The following GFI1B variants were observed in gnomAD, a reference collection of about 807,000 sequenced individuals.
GFI1B encodes the protein growth factor independent 1B transcriptional repressor.
In GFI1B, 20 loss-of-function variants were observed where a neutral mutation model predicts 35.3. That is an observed-to-expected ratio of 0.57 (90% CI 0.40 to 0.82). The LOEUF (loss-of-function observed/expected upper bound fraction) is 0.82. Ranked by LOEUF, GFI1B falls within the 40% of genes least tolerant of loss-of-function variation. The probability of loss-of-function intolerance (pLI) is 0.00; values close to 1 mark genes in which losing one functional copy is unlikely to be tolerated. For synonymous variants in GFI1B, 178 were observed against 177.6 expected (o/e 1.00, Z -0.02); for missense variants, 430 against 446.3 (o/e 0.96, Z 0.33).
At chr9:132,987,212 G>A in intron 2 of GFI1B, 70 bp from the exon 3 acceptor site, 1 of 1,518,634 alleles carries the variant, frequency 6.6e-7, no homozygotes, top group South Asian at 1.2e-5. Flanking sequence ...GGAAGGGCGT[G>A]CCCTCCTTGC....
At chr9:132,969,418 A>G (rs759424697) in intron 1 of GFI1B, among the ~76,000 whole-genome samples, 1 of 152,176 alleles carries the variant, frequency 6.6e-6, no homozygotes, top group Non-Finnish European at 1.5e-5. Context: ...TTCACTTAGC[A>G]TAACGTCCTC....
rs958502085 is a variant in GFI1B, at chr9:132,971,276, G to A, written c.-700-1449G>A. 4.6e-5 allele frequency among the ~76,000 whole-genome samples: 7 copies of A among 152,172 alleles called. No homozygotes were observed. The East Asian group carries it at 1.3e-3, about 29-fold the overall frequency. ...CTTCAGGCAGGCCTGTGGCCTGAAC[G>A]CTGTCCTGTACTTCACCTGCACCCA... On this transcript the variant is annotated intron_variant, in intron 1 of 10. Transcript: ENST00000339463.
chr9:132,953,375 A>G (rs1051476251), intron 1 of GFI1B: 1 of 152,248 alleles, frequency 6.6e-6, no homozygotes, highest in African/African-American at 2.4e-5. Context: ...ACTTCTGACC[A>G]GGCGTGGTGG....
chr9:132,988,975 G>A, intron 4 of GFI1B, 86 bp from the exon 5 acceptor site: 1 of 1,321,514 alleles, frequency 7.6e-7, no homozygotes, highest in Non-Finnish European at 1.1e-6. Context: ...CTTGGCCAGA[G>A]CTGGGCATGG....
intron 3 of GFI1B, 146 bp downstream of exon 3, chr9:132,987,565 G>T (rs1849120581): frequency 2.2e-6 from 2 of 916,610 alleles, no homozygotes; most frequent in Non-Finnish European, 3.4e-6. Flanking sequence ...TGTGGCTTCT[G>T]CTTGGGCCTC....
At chr9:132,977,751 A>G (rs1397530808), upstream of GFI1B, among the ~76,000 whole-genome samples, 1 of 151,952 alleles carries the variant, frequency 6.6e-6, no homozygotes, top group East Asian at 1.9e-4. Flanking sequence ...GCCAAGCTTT[A>G]CCGCCCTCAC....
rs772641489 is a variant in GFI1B at position 132,989,029 on chromosome 9, C to T, written c.511-32C>T. ...AGGCCTGTCCCTGTCACCGCAGCCC[C>T]CAGTGGCCTCACATGCTGCCCCTGC... On this transcript the variant is annotated intron_variant, in intron 4 of 6. Coordinates refer to ENST00000372122, the MANE Select transcript of GFI1B (RefSeq NM_001377304.1). The surrounding 1 kb of genome is among the most constrained non-coding windows in gnomAD (Gnocchi z 6.2). 1 of 1,611,198 alleles carries T rather than the reference C, an allele frequency of 6.2e-7. No homozygotes were observed. The highest frequency in any genetic ancestry group is 8.5e-7 in the Non-Finnish European group (1 of 1,177,432).
At chr9:132,961,548 G>T (rs1476206786) in intron 1 of GFI1B, among the ~76,000 whole-genome samples, 3 of 151,422 alleles carry the variant, frequency 2.0e-5, no homozygotes, top group African/African-American at 7.3e-5. Flanking sequence ...ACTACCCTGG[G>T]ATGCCCTTCC....
chr9:132,967,434 G>A (rs376069762), intron 1 of GFI1B, among the ~76,000 whole-genome samples: 3 of 152,214 alleles, frequency 2.0e-5, no homozygotes, highest in African/African-American at 4.8e-5. Flanking sequence ...AAATCATTAC[G>A]AAAAGAAAGG....
At chr9:132,978,196 G>A (rs1848689810), upstream of GFI1B, among the ~76,000 whole-genome samples, 1 of 150,830 alleles carries the variant, frequency 6.6e-6, no homozygotes, top group East Asian at 2.0e-4. Context: ...GAGAAGGAGG[G>A]AGGGAGGGAA....
intron 1 of GFI1B, among the ~76,000 whole-genome samples, chr9:132,954,632 GGGT>G (rs1848256106): frequency 6.6e-6 from 1 of 151,460 alleles, no homozygotes. Context: ...ATGTTGTCCA[GGGT>G]GGTCTCAAAC....
intron 1 of GFI1B, among the ~76,000 whole-genome samples, chr9:132,985,949 C>T (rs1406523601): frequency 6.6e-6 from 1 of 152,238 alleles, no homozygotes; most frequent in Non-Finnish European, 1.5e-5. Context: ...ACCCCAGTCC[C>T]TGCCTTTCCT....
chr9:132,986,591 G>C, intron 1 of GFI1B, 68 bp from the exon 2 acceptor site: 1 of 790,874 alleles, frequency 1.3e-6, no homozygotes. Context: ...CTCAGGAGGA[G>C]GTTCTGAGAT....
At chr9:132,982,230 A>C (rs1343471997) in intron 1 of GFI1B, among the ~76,000 whole-genome samples, 2 of 152,230 alleles carry the variant, frequency 1.3e-5, no homozygotes, top group African/African-American at 4.8e-5. Context: ...TTAGAGCAAA[A>C]GGGAAGTTTA....
rs966318884 is a variant in GFI1B, at chr9:132,984,448, C to G, written c.-20-2211C>G. On this transcript the variant is annotated intron_variant, in intron 1 of 6. Transcript: ENST00000372122. ...CGAGAATCTGACCGCGGGAAGGGAC[C>G]CCAGAGGCCTTCAAGGTCCTTTCTC... Among the ~76,000 whole-genome samples the G allele has an allele frequency of 2.6e-5, 4 of 152,272 alleles. No homozygotes were observed. In the South Asian group the frequency reaches 8.3e-4, roughly 32 times the overall value.
intron 1 of GFI1B, among the ~76,000 whole-genome samples, chr9:132,970,024 C>T (rs544931846): frequency 7.2e-5 from 11 of 152,260 alleles, no homozygotes; most frequent in African/African-American, 2.6e-4. Flanking sequence ...ACCTCAGCCT[C>T]CCGCCTTCCA....
At chr9:132,947,217 T>A (rs1328344791) in intron 1 of GFI1B, 1 of 152,168 alleles carries the variant, frequency 6.6e-6, no homozygotes, top group African/African-American at 2.4e-5. Context: ...CATTTGGCTG[T>A]GTGACATCTC....
At chr9:132,984,224 T>C (rs1030936234) in intron 1 of GFI1B, among the ~76,000 whole-genome samples, 1 of 152,202 alleles carries the variant, frequency 6.6e-6, no homozygotes, top group Non-Finnish European at 1.5e-5. Flanking sequence ...GTCCTCCTCC[T>C]GCTCACTGGG....
chr9:132,974,391 G>A (rs922008460), upstream of GFI1B, among the ~76,000 whole-genome samples: 34 of 152,002 alleles, frequency 2.2e-4, no homozygotes, highest in African/African-American at 8.0e-4. Flanking sequence ...CTTGAGGTTA[G>A]GAGTTTGAGA....
Sources: gnomAD v4.1 joint callset for allele counts (sites outside exome capture counted in the v4.1 genomes callset) on GRCh38, gnomAD v4.1.1 for gene constraint, Gnocchi (gnomAD v3.1) non-coding constraint, MANE v1.5 for transcripts, NCBI Gene and HGNC (gene_info 2026-07-23, HGNC 2026-07-21) for gene names.